SEMA3D: variants seen among roughly 807,000 people sequenced by gnomAD.
SEMA3D encodes the protein semaphorin 3D.
SEMA3D carries 84 observed loss-of-function variants against 100.1 expected under a neutral mutation model. That is an observed-to-expected ratio of 0.84 (90% CI 0.70 to 1.01). SEMA3D has a LOEUF of 1.01. Ranked by LOEUF, SEMA3D falls within the 50% of genes least tolerant of loss-of-function variation. The pLI is 0.00. For synonymous variants in SEMA3D, 312 were observed against 320.7 expected, an observed-to-expected ratio of 0.97 and a Z score of 0.29; for missense variants, 875 against 934.1, an observed-to-expected ratio of 0.94 and a Z score of 0.82.
chr7:85,023,161 TCTC>T (rs1790301824), intron 12 of SEMA3D, among the ~76,000 whole-genome samples: 2 of 151,882 alleles, frequency 1.3e-5, no homozygotes, highest in African/African-American at 4.8e-5. Flanking sequence ...CAACAGCTCT[TCTC>T]CTAAAGAGTC....
At chr7:85,190,666 T>C (rs993888901), upstream of SEMA3D, among the ~76,000 whole-genome samples, 22 of 152,146 alleles carry the variant, frequency 1.4e-4, no homozygotes, top group Non-Finnish European at 2.8e-4. Flanking sequence ...CTGACTTTCA[T>C]CTTTTATTTC....
intron 12 of SEMA3D, among the ~76,000 whole-genome samples, chr7:85,023,854 T>C (rs1315815616): frequency 1.4e-4 from 22 of 151,982 alleles, no homozygotes; most frequent in Non-Finnish European, 1.5e-5. Context: ...AGTCTGTTAA[T>C]GTTTTTCTAT....
In SEMA3D at chr7:85,015,225, C is replaced by T. The variant is rs75119079; in HGVS notation, c.1546-9G>A. The T allele has an allele frequency of 4.2e-3, 6,725 of 1,601,502 alleles. 258 individuals carry two copies. The African/African-American group carries it at 0.079, about 19-fold the overall frequency. ...CCAATGTACAATTGTTGCTGCAAAT[C>T]GGGCAAAACAAATGAATTAGAAGCA... On this transcript the variant is annotated splice_polypyrimidine_tract_variant and intron_variant, in intron 15 of 18. Transcript: ENST00000284136.
At chr7:85,071,373 G>T (rs529012469) in intron 6 of SEMA3D, among the ~76,000 whole-genome samples, 1 of 152,242 alleles carries the variant, frequency 6.6e-6, no homozygotes, top group South Asian at 2.1e-4. Context: ...TGGTTAGAAA[G>T]GAAAATCCAT....
chr7:85,013,456 A>T (rs780169941), intron 16 of SEMA3D, among the ~76,000 whole-genome samples: 4 of 151,762 alleles, frequency 2.6e-5, no homozygotes, highest in Non-Finnish European at 5.9e-5. Context: ...AATAATAAAC[A>T]ATGGCTTTTG....
chr7:85,108,387 T>A (rs1788993296), intron 3 of SEMA3D, among the ~76,000 whole-genome samples: 1 of 152,068 alleles, frequency 6.6e-6, no homozygotes, highest in East Asian at 1.9e-4. Flanking sequence ...GAGACCCAAT[T>A]GTGATAATGC....
chr7:85,022,962 G>A (rs1247287098), intron 12 of SEMA3D, among the ~76,000 whole-genome samples: 5 of 151,774 alleles, frequency 3.3e-5, no homozygotes, highest in Admixed American at 6.6e-5. Flanking sequence ...ATGAGAACAC[G>A]TGGAAAGCCA....
At chr7:85,210,785 G>A in the SEMA3D span, among the ~76,000 whole-genome samples, 1 of 152,002 alleles carries the variant, frequency 6.6e-6, no homozygotes, top group African/African-American at 2.4e-5. Context: ...TGTCTAATTT[G>A]TGTGATCCTC....
At chr7:85,080,859 A>G (rs1186015132) in intron 5 of SEMA3D, among the ~76,000 whole-genome samples, 1 of 152,174 alleles carries the variant, frequency 6.6e-6, no homozygotes, top group Non-Finnish European at 1.5e-5. Flanking sequence ...AAAAAGTCAT[A>G]CCTAAGTGTT....
chr7:85,187,100 C>G (rs1042386111), upstream of SEMA3D, among the ~76,000 whole-genome samples: 1 of 152,172 alleles, frequency 6.6e-6, no homozygotes, highest in African/African-American at 2.4e-5. Flanking sequence ...TTTCCCCTTC[C>G]GATCTCCTCC....
chr7:85,019,339 T>G (rs1324222998), intron 14 of SEMA3D, among the ~76,000 whole-genome samples: 2 of 151,712 alleles, frequency 1.3e-5, no homozygotes, highest in Non-Finnish European at 2.9e-5. Flanking sequence ...ACATCTGGCC[T>G]TCCCCTAGGA....
chr7:85,084,356 G>C (rs1210462964), intron 4 of SEMA3D, among the ~76,000 whole-genome samples: 1 of 152,074 alleles, frequency 6.6e-6, no homozygotes, highest in Non-Finnish European at 1.5e-5. Context: ...TATTTACATT[G>C]TTGTGCAGCC....
chr7:84,999,204 C>G lies in SEMA3D; in HGVS notation c.*236G>C, dbSNP rs780543448. ...ATAAAACATTTACAACTGTAAACCC[C>G]CTATTTTTAGGATAATTCTTATACT... On this transcript the variant is annotated 3_prime_UTR_variant, in exon 19 of 19. Transcript: ENST00000284136. 1 of 508,610 alleles carries G rather than the reference C, an allele frequency of 2.0e-6. No individual in the cohort carries two copies. Among genetic ancestry groups the G allele is most frequent in the African/African-American group, 1.9e-5 (1 of 52,412 alleles). 31.5% of individuals were successfully genotyped at this position (508,610 alleles called of 1,614,324 possible).
At chr7:85,246,888 A>C in the SEMA3D span, among the ~76,000 whole-genome samples, 1 of 152,106 alleles carries the variant, frequency 6.6e-6, no homozygotes, top group African/African-American at 2.4e-5. Context: ...TGTATAAATA[A>C]AATTTGATAC....
intron 5 of SEMA3D, among the ~76,000 whole-genome samples, chr7:85,077,850 T>G (rs1295693959): frequency 6.6e-6 from 1 of 152,140 alleles, no homozygotes; most frequent in South Asian, 2.1e-4. Context: ...AAAAGTCTAC[T>G]CAATAATCAA....
chr7:85,102,122 G>GAA, intron 3 of SEMA3D, among the ~76,000 whole-genome samples: 1 of 152,002 alleles, frequency 6.6e-6, no homozygotes, highest in African/African-American at 2.4e-5. Context: ...TCTAATAGAA[G>GAA]TATATATAAA....
intron 5 of SEMA3D, among the ~76,000 whole-genome samples, chr7:85,076,078 C>T (rs1000165200): frequency 6.6e-6 from 1 of 152,258 alleles, no homozygotes; most frequent in Non-Finnish European, 1.5e-5. Context: ...TGTAACTTTC[C>T]CTGAAAGCTA....
chr7:85,015,155 G>T lies in SEMA3D; in HGVS notation c.1607C>A (p.Thr536Asn). The change falls in exon 16 of 19, where the codon ACT (threonine) becomes AAT (asparagine). Residue 536 changes from threonine (T) to asparagine (N), a missense_variant. Physicochemically the swap from Thr to Asn is moderately conservative, Grantham distance 65. Transcript: ENST00000284136. ...ACAGTCTGCGCAAGCTTTCCCATAA[G>T]TGTCGCATCTGTGCAAGGAGAGCTG... ...LVQLSLHRCD[T>N]YGKACADCCL... 1.2e-6 allele frequency: 2 copies of T among 1,611,850 alleles called. No homozygotes were observed. Among genetic ancestry groups the T allele is most frequent in the East Asian group, 4.5e-5 (2 of 44,788 alleles).
the SEMA3D span, among the ~76,000 whole-genome samples, chr7:85,223,013 A>G: frequency 6.6e-6 from 1 of 152,152 alleles, no homozygotes; most frequent in Non-Finnish European, 1.5e-5. Context: ...GATGATTCCC[A>G]AAAGAAGATA....
Sources: allele counts gnomAD v4.1 joint callset (sites outside exome capture counted in the v4.1 genomes callset), GRCh38; gene constraint gnomAD v4.1.1; transcripts MANE v1.5; gene names NCBI Gene and HGNC (gene_info 2026-07-23, HGNC 2026-07-21).